Variants in ASTN2 observed in about 807,000 individuals in gnomAD.
The protein encoded by ASTN2 is astrotactin-2.
In ASTN2, 54 loss-of-function variants were observed where a neutral mutation model predicts 139.8. The observed-to-expected ratio is 0.39, with a 90% confidence interval of 0.31 to 0.48. The LOEUF (loss-of-function observed/expected upper bound fraction) is 0.48. Ranked by LOEUF, ASTN2 falls within the 20% of genes least tolerant of loss-of-function variation. The pLI, the probability that ASTN2 is intolerant of heterozygous loss-of-function variation, is 0.95. For missense variants in ASTN2, 1,565 were observed against 1,725.1 expected (o/e 0.91, Z 1.64); for synonymous variants, 756 against 719.5 (o/e 1.05, Z -0.81).
chr9:116,458,448 G>A (rs889762015), intron 20 of ASTN2, among the ~76,000 whole-genome samples: 6 of 151,576 alleles, frequency 4.0e-5, no homozygotes, highest in Non-Finnish European at 5.9e-5. Context: ...ATTACACATC[G>A]CATACTTGTA....
At chr9:116,746,351 G>A (rs1829233404) in intron 13 of ASTN2, among the ~76,000 whole-genome samples, 1 of 152,094 alleles carries the variant, frequency 6.6e-6, no homozygotes, top group Admixed American at 6.5e-5. Flanking sequence ...CTCCTAAAAT[G>A]TTGGGATTAC....
chr9:116,677,164 G>C (rs1284204735), intron 16 of ASTN2, among the ~76,000 whole-genome samples: 3 of 151,992 alleles, frequency 2.0e-5, no homozygotes, highest in East Asian at 3.9e-4. Context: ...TCTGGAAAAA[G>C]GTTTTTTTCC....
At chr9:117,200,322 ACTT>A (rs1288322048) in intron 3 of ASTN2, among the ~76,000 whole-genome samples, 1 of 151,042 alleles carries the variant, frequency 6.6e-6, no homozygotes, top group Non-Finnish European at 1.5e-5. Context: ...AGACAACTTG[ACTT>A]CTTCTCTTCC....
chr9:117,346,345 G>C (rs1177308509), intron 1 of ASTN2, among the ~76,000 whole-genome samples: 1 of 152,122 alleles, frequency 6.6e-6, no homozygotes, highest in Non-Finnish European at 1.5e-5. Flanking sequence ...TGCTTGGTCA[G>C]GTTCAGGATC....
intron 17 of ASTN2, among the ~76,000 whole-genome samples, chr9:116,630,505 T>C (rs1475178304): frequency 6.6e-6 from 1 of 152,150 alleles, no homozygotes; most frequent in African/African-American, 2.4e-5. Context: ...TTTTCCTAAA[T>C]ACTAAGGGCA....
intron 2 of ASTN2, among the ~76,000 whole-genome samples, chr9:117,242,200 T>C (rs1833235590): frequency 6.6e-6 from 1 of 152,030 alleles, no homozygotes; most frequent in South Asian, 2.1e-4. Context: ...GAGTGTTTCC[T>C]ATTTGGAATG....
In ASTN2 at chr9:117,096,078, G is replaced by A; in HGVS notation, c.1242C>T (p.Tyr414=). Residue 414 remains tyrosine (Y), a synonymous_variant, in exon 5 of 23, where the codon TAC becomes TAT. Coordinates refer to ENST00000313400, the MANE Select transcript of ASTN2 (RefSeq NM_001365068.1). ...EADDETQLTF[Y]TEQYRSRRRS... The stretch of plus-strand genomic sequence containing the variant: ...GGCGGCGACTGCGGTACTGCTCCGT[G>A]TAGAATGTCAGCTGAGTTTCATCGT... 1 of 1,614,088 alleles carries A rather than the reference G, an allele frequency of 6.2e-7. No individual in the cohort carries two copies. The highest frequency in any genetic ancestry group is 8.5e-7 in the Non-Finnish European group (1 of 1,179,978).
chr9:116,554,281 G>A (rs1049072155), intron 19 of ASTN2, among the ~76,000 whole-genome samples: 3 of 152,102 alleles, frequency 2.0e-5, no homozygotes, highest in Non-Finnish European at 2.9e-5. Context: ...GACCCTATAC[G>A]TGGAAGGTGA....
chr9:116,753,909 T>C (rs1367247717), intron 13 of ASTN2, among the ~76,000 whole-genome samples: 1 of 152,052 alleles, frequency 6.6e-6, no homozygotes, highest in African/African-American at 2.4e-5. Context: ...ACACGTCACC[T>C]ACATTACATA....
chr9:117,036,294 T>C (rs1330122747), intron 6 of ASTN2, among the ~76,000 whole-genome samples: 1 of 152,176 alleles, frequency 6.6e-6, no homozygotes, highest in Non-Finnish European at 1.5e-5. Flanking sequence ...GTGGACAAGG[T>C]CTTCCCAATG....
At chr9:116,497,419 C>G (rs1849703210) in intron 19 of ASTN2, among the ~76,000 whole-genome samples, 1 of 152,192 alleles carries the variant, frequency 6.6e-6, no homozygotes, top group South Asian at 2.1e-4. Context: ...CTCTGACCCA[C>G]AGGAACAAAA....
chr9:116,999,130 A>G (rs1837107547), intron 7 of ASTN2, among the ~76,000 whole-genome samples: 1 of 152,250 alleles, frequency 6.6e-6, no homozygotes. Context: ...AATTGTGGAA[A>G]GAAAATTCAA....
chr9:117,396,854 C>T (rs1432904590), intron 1 of ASTN2, among the ~76,000 whole-genome samples: 1 of 152,010 alleles, frequency 6.6e-6, no homozygotes, highest in African/African-American at 2.4e-5. Context: ...GCGTGAGCCA[C>T]CACACCCAGC....
At position 116,629,750 on chromosome 9, in the gene ASTN2, G is replaced by A. The variant is rs140372907; in HGVS notation, c.3073-9307C>T. Among the ~76,000 whole-genome samples, 536 of 152,244 alleles carry A rather than the reference G, an allele frequency of 3.5e-3. 2 individuals carry two copies. The highest frequency in any genetic ancestry group is 6.2e-3 in the Non-Finnish European group (423 of 68,030). ...ATTCTCCTCTGAATGATGAGAGCCCGACAGAACAGCTCCTTAATCTGGGTG... is the reference window on the plus strand; with the variant it reads ...ATTCTCCTCTGAATGATGAGAGCCCAACAGAACAGCTCCTTAATCTGGGTG... On this transcript the variant is annotated intron_variant, in intron 17 of 22. Coordinates refer to ENST00000313400, the MANE Select transcript of ASTN2 (RefSeq NM_001365068.1).
chr9:116,550,840 G>C (rs1008618984), intron 19 of ASTN2: 3 of 152,242 alleles, frequency 2.0e-5, no homozygotes, highest in Non-Finnish European at 4.4e-5. Flanking sequence ...AGGCCTTGCT[G>C]TAAGACTCTG....
At chr9:116,738,063 G>A (rs1432232058) in intron 13 of ASTN2, among the ~76,000 whole-genome samples, 2 of 151,580 alleles carry the variant, frequency 1.3e-5, no homozygotes, top group African/African-American at 2.4e-5. Context: ...GTGGTAGCGG[G>A]CGCCTGTAGT....
intron 16 of ASTN2, among the ~76,000 whole-genome samples, chr9:116,723,364 C>T (rs952658208): frequency 6.6e-5 from 10 of 152,168 alleles, no homozygotes; most frequent in Non-Finnish European, 1.0e-4. Flanking sequence ...CCTCATTTAA[C>T]ACATGAGGAA....
At chr9:117,259,755 T>C (rs560303948) in intron 2 of ASTN2, among the ~76,000 whole-genome samples, 39 of 152,246 alleles carry the variant, frequency 2.6e-4, no homozygotes, top group African/African-American at 9.1e-4. Flanking sequence ...CTAAAATGTA[T>C]AAAAGCAAAC....
At chr9:117,060,394 GA>G (rs1839224372) in intron 5 of ASTN2, among the ~76,000 whole-genome samples, 1 of 75,048 alleles carries the variant, frequency 1.3e-5, no homozygotes, top group African/African-American at 6.9e-5. Context: ...AAGAAAGAAA[GA>G]AAGAAAGAAA....
Sources: gnomAD v4.1 joint callset for allele counts (sites outside exome capture counted in the v4.1 genomes callset) on GRCh38, gnomAD v4.1.1 for gene constraint, MANE v1.5 for transcripts, NCBI Gene and HGNC (gene_info 2026-07-23, HGNC 2026-07-21) for gene names.